Variants in TLE6 observed in about 807,000 individuals in gnomAD.
TLE6 encodes transducin-like enhancer protein 6.
In TLE6, 72 loss-of-function variants were observed where a neutral mutation model predicts 77.1. The ratio of observed to expected loss-of-function variants is 0.93; its 90% confidence interval spans 0.77 to 1.14. The LOEUF (loss-of-function observed/expected upper bound fraction) is 1.14, where lower values mean the gene tolerates loss of function less well. Ranked by LOEUF, TLE6 falls within the 50% of genes most tolerant of loss-of-function variation. The probability of loss-of-function intolerance (pLI) is 0.00; values close to 1 mark genes in which losing one functional copy is unlikely to be tolerated. For missense variants in TLE6, 843 were observed against 747.6 expected (o/e 1.13, Z -1.49); for synonymous variants, 366 against 287.3 (o/e 1.27, Z -2.77).
chr19:2,981,211 A>T (rs1247174611), intron 3 of TLE6, among the ~76,000 whole-genome samples: 2 of 149,804 alleles, frequency 1.3e-5, no homozygotes, highest in African/African-American at 4.9e-5. Flanking sequence ...ATACAAAAAA[A>T]TAGCTGGGTG....
chr19:2,992,387 G>A (rs986148682), intron 14 of TLE6, among the ~76,000 whole-genome samples: 2 of 152,064 alleles, frequency 1.3e-5, no homozygotes, highest in African/African-American at 4.8e-5. Context: ...CAGGAGAATC[G>A]CTTAAACCCG....
chr19:2,992,932 T>TA (rs1248909368), intron 14 of TLE6, among the ~76,000 whole-genome samples: 2 of 145,576 alleles, frequency 1.4e-5, no homozygotes, highest in Non-Finnish European at 3.0e-5. Context: ...CTCACGCCTG[T>TA]AATCCCAGCC....
intron 11 of TLE6, 47 bp from the exon 12 acceptor site, chr19:2,989,014 A>G (rs373628970): frequency 5.0e-6 from 8 of 1,602,912 alleles, no homozygotes; most frequent in Middle Eastern, 1.8e-4. Context: ...CCACTGGGCA[A>G]AGGGGCTCAC....
At chr19:2,994,326 C>A (rs1000766885) in intron 16 of TLE6, among the ~76,000 whole-genome samples, 2 of 151,896 alleles carry the variant, frequency 1.3e-5, no homozygotes, top group African/African-American at 4.8e-5. Flanking sequence ...AAATAATTAG[C>A]TGAGCCGGGT....
In TLE6 at chr19:2,980,131, C is replaced by G. The variant is rs2088767658; in HGVS notation, c.83C>G (p.Ser28Cys). ...PCPGISNSES[S>C]PTLNYQGILN... ...CCTGGGATCTCGAACTCTGAGAGCT[C>G]TCCGACGCTGAATTATCAGGGCATT... The change falls in exon 3 of 17, where the codon TCT becomes TGT. Residue 28 changes from serine (S) to cysteine (C), a missense_variant. Physicochemically the swap from Ser to Cys is moderately radical, Grantham distance 112. Coordinates refer to ENST00000246112, the MANE Select transcript of TLE6 (RefSeq NM_001143986.2). 3 of 1,550,366 alleles carry G rather than the reference C, an allele frequency of 1.9e-6. No homozygotes were observed. The highest frequency in any genetic ancestry group is 1.4e-5 in the African/African-American group (1 of 72,956).
chr19:2,987,867 A>G, intron 9 of TLE6, 31 bp from the exon 10 acceptor site: 1 of 1,613,002 alleles, frequency 6.2e-7, no homozygotes, highest in Non-Finnish European at 8.5e-7. Context: ...AGCCAATGCA[A>G]GCCGCTTAGC....
At chr19:2,980,282 C>T (rs550758233) in intron 3 of TLE6, 100 bp downstream of exon 3, 92 of 933,642 alleles carry the variant, frequency 9.9e-5, no homozygotes, top group Middle Eastern at 3.3e-4. Context: ...GCTGCTGGCC[C>T]AAGAGCCAGG....
At chr19:2,977,903 C>T (rs540988696) in intron 1 of TLE6, among the ~76,000 whole-genome samples, 389 of 152,198 alleles carry the variant, frequency 2.6e-3, no homozygotes, top group Middle Eastern at 0.01. Context: ...CCTGGGCTCC[C>T]CCGTCCCTGA....
intron 5 of TLE6, among the ~76,000 whole-genome samples, chr19:2,986,398 A>G (rs983907193): frequency 6.6e-6 from 1 of 151,840 alleles, no homozygotes; most frequent in Non-Finnish European, 1.5e-5. Flanking sequence ...CCTGGGTGTC[A>G]GAGTGAGATC....
rs773431619 is a variant in TLE6, at chr19:2,995,024, C to G, written c.*20C>G. On this transcript the variant is annotated 3_prime_UTR_variant, in exon 17 of 17. Transcript: ENST00000246112. ...TACTGAGGGGCCTCGCTGCTGTCAT[C>G]CCACTCCGGCTCCTCTTTTCATCCC... The G allele has an allele frequency of 6.7e-7, 1 of 1,482,444 alleles. No individual in the cohort carries two copies. The allele number at this position is 1,482,444 out of a possible 1,614,324, so 91.8% of individuals were successfully genotyped here.
intron 15 of TLE6, 63 bp downstream of exon 15, chr19:2,993,645 C>G: frequency 6.6e-7 from 1 of 1,505,368 alleles, no homozygotes; most frequent in Non-Finnish European, 8.9e-7. Context: ...CAAGACCCCA[C>G]CTAATGCCAG....
At chr19:2,988,005 C>T (rs372587442) in intron 10 of TLE6, 31 bp downstream of exon 10, 47 of 1,598,616 alleles carry the variant, frequency 2.9e-5, no homozygotes, top group Non-Finnish European at 3.7e-5. Context: ...GGTAGCCCAG[C>T]GTGAAGGCTG....
In TLE6 at chr19:2,980,040, C is replaced by T. The variant is rs370662742; in HGVS notation, c.52-60C>T. 1.1e-4 allele frequency: 151 copies of T among 1,379,580 alleles called. 1 individual carries two copies. The highest frequency in any genetic ancestry group is 8.2e-4 in the African/African-American group (57 of 69,498). 85.5% of individuals were successfully genotyped at this position (1,379,580 alleles called of 1,614,324 possible). A position where few individuals can be genotyped will look rare whatever the true frequency, so the allele number is the denominator to read the frequency against. On this transcript the variant is annotated intron_variant, in intron 2 of 16. Coordinates refer to ENST00000246112, the MANE Select transcript of TLE6 (RefSeq NM_001143986.2). ...GCCTATGCCATGTTGAGGTGGAGAC[C>T]GGGGGTCTTGGGTGTTGGAGCATTG... is the stretch of plus-strand genomic sequence containing the variant.
Position 2,991,997 on chromosome 19 carries a change from G to A in TLE6, c.1386+13G>A. 1 of 1,612,066 alleles carries A rather than the reference G, an allele frequency of 6.2e-7. No individual in the cohort carries two copies. Among genetic ancestry groups the A allele is most frequent in the Non-Finnish European group, 8.5e-7 (1 of 1,179,206 alleles). ...ATTCAAGTCTCAGGTGCGGAGGCCG[G>A]GATGGGGTCTGCTTGGCCAGGCATC... On this transcript the variant is annotated intron_variant, in intron 14 of 16. Coordinates refer to ENST00000246112, the MANE Select transcript of TLE6 (RefSeq NM_001143986.2).
Position 2,995,014 on chromosome 19 carries a change from C to G in TLE6, c.*10C>G, listed in dbSNP as rs541379968. On this transcript the variant is annotated 3_prime_UTR_variant, in exon 17 of 17. Transcript: ENST00000246112. Reference sequence around the variant, plus strand: ...CCAGATCACCTACTGAGGGGCCTCGCTGCTGTCATCCCACTCCGGCTCCTC... The same window carrying G: ...CCAGATCACCTACTGAGGGGCCTCGGTGCTGTCATCCCACTCCGGCTCCTC... The G allele has an allele frequency of 6.4e-7, 1 of 1,565,026 alleles. No homozygotes were observed. Among genetic ancestry groups the G allele is most frequent in the South Asian group, 1.1e-5 (1 of 87,186 alleles).
Position 2,989,523 on chromosome 19 carries a change from T to C in TLE6, c.994-12T>C. 6.2e-7 allele frequency: 1 copy of C among 1,606,002 alleles called. No individual in the cohort carries two copies. The highest frequency in any genetic ancestry group is 2.2e-5 in the East Asian group (1 of 44,794). ...GGGGGGCGACAGCTCACAGTGACTC[T>C]GCCCATCCCAGACCCCTGGGGCCTT... On this transcript the variant is annotated splice_polypyrimidine_tract_variant and intron_variant, in intron 12 of 16. Coordinates refer to ENST00000246112, the MANE Select transcript of TLE6 (RefSeq NM_001143986.2).
At chr19:2,992,270 C>T (rs1256150696) in intron 14 of TLE6, among the ~76,000 whole-genome samples, 1 of 151,980 alleles carries the variant, frequency 6.6e-6, no homozygotes, top group Non-Finnish European at 1.5e-5. Context: ...GTCGGGAGTT[C>T]AAGACGAGCC....
In TLE6 at chr19:2,989,141, C is replaced by T. The variant is rs144709669; in HGVS notation, c.821C>T (p.Pro274Leu). 97 of 1,614,028 alleles carry T rather than the reference C, an allele frequency of 6.0e-5. No homozygotes were observed. The highest frequency in any genetic ancestry group is 8.0e-5 in the African/African-American group (6 of 74,950). Residue 274 changes from proline (P) to leucine (L), a missense_variant, in exon 12 of 17, where the codon CCG becomes CTG. Pro to Leu is a moderately conservative substitution (Grantham distance 98). Transcript: ENST00000246112. The stretch of plus-strand genomic sequence containing the variant: ...GGGCAGTCAAAGAGACTCGCCGTCC[C>T]GTGCAAACTGGAAAAGATGCGGATC... ...LPGQSKRLAV[P>L]CKLEKMRILA...
At chr19:2,989,911 C>T (rs1009895553) in intron 13 of TLE6, 126 bp downstream of exon 13, 61 of 1,353,058 alleles carry the variant, frequency 4.5e-5, no homozygotes, top group Admixed American at 1.2e-4. Context: ...ATAGCACTCT[C>T]CCAGCCAAAA....
Sources: allele counts gnomAD v4.1 joint callset (sites outside exome capture counted in the v4.1 genomes callset), GRCh38; gene constraint gnomAD v4.1.1; transcripts MANE v1.5; gene names NCBI Gene and HGNC (gene_info 2026-07-23, HGNC 2026-07-21).